Variants in VPS13B observed in about 807,000 individuals in gnomAD.
VPS13B encodes the protein intermembrane lipid transfer protein VPS13B.
Under a neutral mutation model 426.4 loss-of-function variants are expected in VPS13B, and 285 were observed. The ratio of observed to expected loss-of-function variants is 0.67; its 90% CI spans 0.61 to 0.74. VPS13B has a LOEUF of 0.74. VPS13B is among the 30% of genes least tolerant of loss of function. The pLI, the probability that VPS13B is intolerant of heterozygous loss-of-function variation, is 0.00. For missense variants in VPS13B, 4,537 were observed against 4,782.6 expected, an observed-to-expected ratio of 0.95 and a Z score of 1.51; for synonymous variants, 1,676 against 1,676.4, an observed-to-expected ratio of 1.00 and a Z score of 0.01.
chr8:99,072,499 A>G (rs187098193), intron 3 of VPS13B, among the ~76,000 whole-genome samples: 2 of 152,164 alleles, frequency 1.3e-5, no homozygotes, highest in East Asian at 3.9e-4. Context: ...CCACTCCTCA[A>G]GCTTAAGGCA....
chr8:99,244,784 A>G (rs372364897), intron 17 of VPS13B, among the ~76,000 whole-genome samples: 5 of 152,202 alleles, frequency 3.3e-5, no homozygotes, highest in Non-Finnish European at 5.9e-5. Flanking sequence ...ATTAGTCCAT[A>G]TAAGTGCCTA....
intron 6 of VPS13B, among the ~76,000 whole-genome samples, chr8:99,111,600 G>T (rs1847372396): frequency 6.6e-6 from 1 of 151,940 alleles, no homozygotes; most frequent in Non-Finnish European, 1.5e-5. Context: ...ACAGTGGACT[G>T]CATATCAGTA....
intron 51 of VPS13B, among the ~76,000 whole-genome samples, chr8:99,825,261 T>C (rs539975473): frequency 8.9e-4 from 136 of 152,290 alleles, no homozygotes; most frequent in African/African-American, 3.0e-3. Context: ...TTTTAATGAT[T>C]GCCATTCTAA....
intron 31 of VPS13B, among the ~76,000 whole-genome samples, chr8:99,571,514 T>C (rs1205489116): frequency 2.0e-5 from 3 of 152,202 alleles, no homozygotes; most frequent in Non-Finnish European, 2.9e-5. Context: ...AGGTCTTTCA[T>C]ATTTTGTGTT....
Position 99,267,447 on chromosome 8 carries a change from C to T in VPS13B, c.2516-6751C>T, listed in dbSNP as rs372591671. Among the ~76,000 whole-genome samples the T allele has an allele frequency of 6.6e-5, 10 of 151,902 alleles. 1 individual carries two copies. Among genetic ancestry groups the T allele is most frequent in the African/African-American group, 9.7e-5 (4 of 41,360 alleles). On this transcript the variant is annotated intron_variant, in intron 17 of 61. Transcript: ENST00000357162. ...GATTATGCGATAGAAAAGAAAAACC[C>T]GGCTGGACACGATGGCTCATGCCTG...
chr8:99,538,227 C>T (rs1171603281), intron 30 of VPS13B, among the ~76,000 whole-genome samples: 1 of 152,058 alleles, frequency 6.6e-6, no homozygotes, highest in Non-Finnish European at 1.5e-5. Context: ...ATATTATATA[C>T]CTTTAATGAA....
rs139052002 is a variant in VPS13B at position 99,577,941 on chromosome 8, G to C, written c.5220+308G>C. On this transcript the variant is annotated intron_variant, in intron 33 of 61. Transcript: ENST00000357162. ...AGTATGATGCGAGAATCCTGGTATAGCTTTCATTTACTCGGATACATTACA... is the reference window on the plus strand; with the variant it reads ...AGTATGATGCGAGAATCCTGGTATACCTTTCATTTACTCGGATACATTACA... Among the ~76,000 whole-genome samples the C allele has an allele frequency of 4.5e-4, 68 of 152,184 alleles. No homozygotes were observed. In the East Asian group the frequency reaches 0.011, roughly 26 times the overall value.
chr8:99,789,559 C>T (rs765343698), intron 43 of VPS13B, among the ~76,000 whole-genome samples: 1 of 152,098 alleles, frequency 6.6e-6, no homozygotes, highest in Non-Finnish European at 1.5e-5. Context: ...CCCAGTAAGT[C>T]TCCCAGTAGT....
intron 16 of VPS13B, among the ~76,000 whole-genome samples, chr8:99,175,682 G>A (rs1812591545): frequency 6.6e-6 from 1 of 152,058 alleles, no homozygotes; most frequent in Admixed American, 6.5e-5. Flanking sequence ...ACTTGCGCTC[G>A]GGAGATTGAG....
At chr8:99,018,779 A>G (rs923275623) in intron 2 of VPS13B, among the ~76,000 whole-genome samples, 9 of 47,544 alleles carry the variant, frequency 1.9e-4, no homozygotes, top group East Asian at 1.6e-3. Context: ...TGATTTTCCA[A>G]TGAGTTTTAA....
chr8:99,627,402 A>AT (rs1828656774), intron 33 of VPS13B, among the ~76,000 whole-genome samples: 2 of 151,924 alleles, frequency 1.3e-5, no homozygotes, highest in Non-Finnish European at 2.9e-5. Flanking sequence ...GCCACATTTT[A>AT]TTTTATTTTT....
intron 19 of VPS13B, among the ~76,000 whole-genome samples, chr8:99,353,901 A>G (rs1420694336): frequency 6.6e-6 from 1 of 152,128 alleles, no homozygotes; most frequent in Non-Finnish European, 1.5e-5. Context: ...CTATGATTTT[A>G]TGTAATTGTG....
At chr8:99,471,990 T>C (rs1359630141) in intron 24 of VPS13B, among the ~76,000 whole-genome samples, 1 of 152,122 alleles carries the variant, frequency 6.6e-6, no homozygotes, top group Non-Finnish European at 1.5e-5. Flanking sequence ...TATAAATAGA[T>C]GCATAGTAAA....
intron 30 of VPS13B, among the ~76,000 whole-genome samples, chr8:99,529,362 T>G (rs972784276): frequency 2.6e-5 from 4 of 152,174 alleles, no homozygotes; most frequent in African/African-American, 9.6e-5. Flanking sequence ...CATCTTTCAG[T>G]GTAATCATAT....
At chr8:99,108,628 T>C (rs188479290) in intron 5 of VPS13B, among the ~76,000 whole-genome samples, 12 of 152,272 alleles carry the variant, frequency 7.9e-5, no homozygotes. Flanking sequence ...TTTTATTCCA[T>C]TGGGCTATGT....
At chr8:99,039,076 A>G (rs1842865098) in intron 3 of VPS13B, among the ~76,000 whole-genome samples, 1 of 152,140 alleles carries the variant, frequency 6.6e-6, no homozygotes, top group South Asian at 2.1e-4. Context: ...TTTCATACAG[A>G]TTTTACTTTG....
intron 33 of VPS13B, among the ~76,000 whole-genome samples, chr8:99,617,379 A>G (rs895448057): frequency 6.6e-6 from 1 of 152,152 alleles, no homozygotes; most frequent in African/African-American, 2.4e-5. Flanking sequence ...CCCAGGCTAC[A>G]GTGCAGTGGT....
chr8:99,412,529 G>T (rs1165367420), intron 21 of VPS13B, among the ~76,000 whole-genome samples: 2 of 152,134 alleles, frequency 1.3e-5, no homozygotes, highest in African/African-American at 4.8e-5. Context: ...GAGACAATTT[G>T]ACTTCCTGTC....
chr8:99,641,631 A>G (rs762533949), intron 33 of VPS13B, among the ~76,000 whole-genome samples, 180 bp from the exon 34 acceptor site: 2 of 152,164 alleles, frequency 1.3e-5, no homozygotes, highest in Non-Finnish European at 2.9e-5. Context: ...TGGCATTTTT[A>G]GGTGATTTTA....
Sources: gnomAD v4.1 joint callset for allele counts (sites outside exome capture counted in the v4.1 genomes callset) on GRCh38, gnomAD v4.1.1 for gene constraint, MANE v1.5 for transcripts, NCBI Gene and HGNC (gene_info 2026-07-23, HGNC 2026-07-21) for gene names.